The following KCNA6 variants were observed in gnomAD, a reference collection of about 807,000 sequenced individuals.
KCNA6 encodes potassium voltage-gated channel subfamily A member 6.
KCNA6 carries 17 observed loss-of-function variants against 29.5 expected under a neutral mutation model. The observed-to-expected ratio is 0.58, with a 90% CI of 0.39 to 0.86. The LOEUF is 0.86. Ranked by LOEUF, KCNA6 falls within the 40% of genes least tolerant of loss-of-function variation. The pLI is 0.00. For missense variants in KCNA6, 450 were observed against 703.4 expected (o/e 0.64, Z 4.07); for synonymous variants, 296 against 304.7 (o/e 0.97, Z 0.30).
At chr12:4,837,889 A>C in the KCNA6 span, among the ~76,000 whole-genome samples, 2 of 151,820 alleles carry the variant, frequency 1.3e-5, no homozygotes, top group Non-Finnish European at 2.9e-5. Flanking sequence ...CTGGGAGTGC[A>C]TGGATAGACT....
chr12:4,838,805 CAG>C, the KCNA6 span: 1 of 145,138 alleles, frequency 6.9e-6, no homozygotes, highest in East Asian at 1.9e-4. Context: ...CCTCTGTGCA[CAG>C]AGTGAGAAAG....
At chr12:4,840,919 T>C in the KCNA6 span, among the ~76,000 whole-genome samples, 4 of 152,352 alleles carry the variant, frequency 2.6e-5, no homozygotes, top group South Asian at 2.1e-4. Flanking sequence ...CCCGTGTTGA[T>C]TGCAGCTTGT....
At chr12:4,837,144 T>C in the KCNA6 span, among the ~76,000 whole-genome samples, 4 of 152,144 alleles carry the variant, frequency 2.6e-5, no homozygotes, top group African/African-American at 9.7e-5. Context: ...ATCATGCCTA[T>C]GTAATGAAGC....
At position 4,810,443 on chromosome 12, in the gene KCNA6, C is replaced by T. The variant is rs1565401932; in HGVS notation, c.402C>T (p.Phe134=). The T allele has an allele frequency of 6.2e-7, 1 of 1,614,076 alleles. No homozygotes were observed. The highest frequency in any genetic ancestry group is 1.6e-4 in the Middle Eastern group (1 of 6,062). Residue 134 remains phenylalanine, a synonymous_variant, in exon 1 of 1, where the codon TTC becomes TTT. Transcript: ENST00000280684. The surrounding 1 kb of genome is among the most constrained non-coding windows in gnomAD (Gnocchi z 7.5). ...TGGGGGACGAGGCCCTGGCGGCCTT[C>T]CGGGAGGACGAGGGCTGCCTGCCCG...
chr12:4,809,564 C>A (rs185533823), exon 1 of KCNA6: 2,544 of 153,922 alleles, frequency 0.017, 64 homozygotes, highest in African/African-American at 0.058. Context: ...GAGTCTTTGC[C>A]GAGCCGGAGG....
chr12:4,810,739 C>G lies in KCNA6; in HGVS notation c.698C>G (p.Thr233Arg), dbSNP rs1292135262. ...GAGGAGGATGAAGACGATTCCTACA[C>G]ATTTCATCATGGCATCACCCCTGGG... The change falls in exon 1 of 1, where the codon ACA becomes AGA. Residue 233 changes from threonine (T) to arginine (R), a missense_variant. Physicochemically the swap from Thr to Arg is moderately conservative, Grantham distance 71 (BLOSUM62 -1). This residue lies in a region of KCNA6 where 74 missense variants were observed against 71.5 expected (regional missense o/e 1.03). Transcript: ENST00000280684. This position sits in a 1 kb window ranked among gnomAD's most constrained non-coding sequence, Gnocchi z 7.5. The G allele has an allele frequency of 6.2e-7, 1 of 1,610,210 alleles. No individual in the cohort carries two copies. Among genetic ancestry groups the G allele is most frequent in the Admixed American group, 1.7e-5 (1 of 59,880 alleles).
chr12:4,843,431 C>T, the KCNA6 span, among the ~76,000 whole-genome samples: 2,778 of 152,228 alleles, frequency 0.018, 46 homozygotes, highest in Non-Finnish European at 0.03. Flanking sequence ...CTGCCTGCCT[C>T]GGCCTCCCAA....
At chr12:4,819,230 AT>A in the KCNA6 span, among the ~76,000 whole-genome samples, 1 of 152,002 alleles carries the variant, frequency 6.6e-6, no homozygotes, top group Non-Finnish European at 1.5e-5. Flanking sequence ...CCATTTTAAC[AT>A]TCTCAGTGGT....
At chr12:4,847,187 C>G in the KCNA6 span, among the ~76,000 whole-genome samples, 2 of 152,072 alleles carry the variant, frequency 1.3e-5, no homozygotes, top group African/African-American at 4.8e-5. Flanking sequence ...CCCCCATTGT[C>G]TTCTAGTTTC....
At chr12:4,831,341 C>T in the KCNA6 span, among the ~76,000 whole-genome samples, 1 of 152,184 alleles carries the variant, frequency 6.6e-6, no homozygotes, top group African/African-American at 2.4e-5. Flanking sequence ...TTCACAATAA[C>T]TCGTTATCAC....
the KCNA6 span, among the ~76,000 whole-genome samples, chr12:4,818,845 C>A: frequency 7.1e-6 from 1 of 141,644 alleles, no homozygotes; most frequent in Non-Finnish European, 1.6e-5. Flanking sequence ...AGTGCACACA[C>A]ACACACACAC....
chr12:4,834,382 AT>A, the KCNA6 span, among the ~76,000 whole-genome samples: 1 of 152,118 alleles, frequency 6.6e-6, no homozygotes, highest in Admixed American at 6.6e-5. Context: ...GTACCCACTT[AT>A]TTTTTTAAAT....
downstream of KCNA6, chr12:4,813,878 C>G (rs1946656625): frequency 6.0e-6 from 1 of 167,138 alleles, no homozygotes; most frequent in South Asian, 2.1e-4. Flanking sequence ...CCTGAGAAAA[C>G]ATTTTCTTTT....
At chr12:4,846,706 C>G in the KCNA6 span, among the ~76,000 whole-genome samples, 1 of 151,790 alleles carries the variant, frequency 6.6e-6, no homozygotes, top group Non-Finnish European at 1.5e-5. Flanking sequence ...TGGGGCCACT[C>G]TGTCCCACTG....
the KCNA6 span, among the ~76,000 whole-genome samples, chr12:4,823,985 G>C: frequency 1.2e-4 from 19 of 152,170 alleles, no homozygotes; most frequent in African/African-American, 4.6e-4. Flanking sequence ...GGCAGAAGGT[G>C]ATATCTGTCC....
the KCNA6 span, among the ~76,000 whole-genome samples, chr12:4,849,489 C>CTT: frequency 0.08 from 8,132 of 101,228 alleles, 812 homozygotes; most frequent in Non-Finnish European, 0.1. Context: ...GATTTTTGCT[C>CTT]TTTTTTTTTT....
the KCNA6 span, among the ~76,000 whole-genome samples, chr12:4,830,117 C>G: frequency 6.6e-6 from 1 of 152,198 alleles, no homozygotes; most frequent in Admixed American, 6.5e-5. Context: ...AGCCACTCTT[C>G]CTGCTCAGAG....
the KCNA6 span, among the ~76,000 whole-genome samples, chr12:4,848,479 C>T: frequency 2.0e-5 from 3 of 150,106 alleles, no homozygotes; most frequent in Non-Finnish European, 4.4e-5. Context: ...TAAAATTTTC[C>T]TACACTGTTA....
At chr12:4,827,464 G>A in the KCNA6 span, among the ~76,000 whole-genome samples, 1 of 152,198 alleles carries the variant, frequency 6.6e-6, no homozygotes, top group African/African-American at 2.4e-5. Flanking sequence ...GGAGAAGCAG[G>A]GGAGTGCAGC....
Sources: gnomAD v4.1 joint callset for allele counts (sites outside exome capture counted in the v4.1 genomes callset) on GRCh38, gnomAD v4.1.1 for gene constraint, gnomAD v4.1.1 regional missense constraint, Gnocchi (gnomAD v3.1) non-coding constraint, MANE v1.5 for transcripts, NCBI Gene and HGNC (gene_info 2026-07-23, HGNC 2026-07-21) for gene names.